TTLL12: variants seen among roughly 807,000 people sequenced by gnomAD.
The protein encoded by TTLL12 is tubulin tyrosine ligase like 12, also known as tubulin--tyrosine ligase-like protein 12.
Under a neutral mutation model 79.6 loss-of-function variants are expected in TTLL12, and 77 were observed. The ratio of observed to expected loss-of-function variants is 0.97; its 90% CI spans 0.81 to 1.17. The LOEUF is 1.17. Among genes scored for constraint, TTLL12 ranks in the 50% most tolerant of loss-of-function variants. The pLI is 0.00. For missense variants in TTLL12, 969 were observed against 895.9 expected, an observed-to-expected ratio of 1.08 and a Z score of -1.04; for synonymous variants, 437 against 376.1, an observed-to-expected ratio of 1.16 and a Z score of -1.87.
chr22:43,179,468 T>C, intron 5 of TTLL12, 151 bp downstream of exon 5: 2 of 1,112,702 alleles, frequency 1.8e-6, no homozygotes, highest in Admixed American at 3.2e-5. Context: ...GAGCCCCTCG[T>C]CTCTCAGAGG....
chr22:43,168,012 A>G lies in TTLL12; in HGVS notation c.1931T>C (p.Val644Ala). ...GGTTTTGGGGACAGCGAGTGCCTAGACAAGGCAGGTAACGTGGCAGCCACC... is the reference window on the plus strand; with the variant it reads ...GGTTTTGGGGACAGCGAGTGCCTAGGCAAGGCAGGTAACGTGGCAGCCACC... Reference protein sequence around the residue: ...QPGGCHVTCLV With the variant: ...QPGGCHVTCLA The change falls in exon 14 of 14, where the codon GTC becomes GCC. Residue 644 changes from valine (V) to alanine (A), a missense_variant. Transcript: ENST00000216129. The G allele has an allele frequency of 6.2e-7, 1 of 1,613,798 alleles. No individual in the cohort carries two copies.
chr22:43,186,091 T>G, intron 1 of TTLL12: 1 of 868,710 alleles, frequency 1.2e-6, no homozygotes, highest in Non-Finnish European at 1.4e-6. Flanking sequence ...TCCCTGTTCT[T>G]GGCTCTGGGG....
chr22:43,183,028 T>C lies in TTLL12; in HGVS notation c.299A>G (p.Lys100Arg), dbSNP rs1447821917. 1 of 1,614,000 alleles carries C rather than the reference T, an allele frequency of 6.2e-7. No individual in the cohort carries two copies. The highest frequency in any genetic ancestry group is 8.5e-7 in the Non-Finnish European group (1 of 1,179,962). The change falls in exon 2 of 14, where the codon AAG (lysine) becomes AGG (arginine). Residue 100 changes from lysine (K) to arginine (R), a missense_variant. Coordinates refer to ENST00000216129, the MANE Select transcript of TTLL12 (RefSeq NM_015140.4). ...QPNPGNELCY[K>R]VIVTRESGLQ... ...CCCGCTCTCCCTGGTCACGATGACC[T>C]TGTAGCACAGCTCGTTCCCCGGGTT...
intron 5 of TTLL12, 107 bp downstream of exon 5, chr22:43,179,511 GC>G (rs1402421326): frequency 1.1e-5 from 15 of 1,409,320 alleles, no homozygotes; most frequent in Non-Finnish European, 1.4e-5. Context: ...ACGGTAACTG[GC>G]TCAGGGCCTG....
intron 9 of TTLL12, 65 bp downstream of exon 9, chr22:43,173,650 T>C (rs1237816446): frequency 5.3e-6 from 8 of 1,501,938 alleles, no homozygotes; most frequent in East Asian, 2.3e-5. Flanking sequence ...TCGGTCCCCT[T>C]AGCCCCACCT....
intron 2 of TTLL12, 139 bp downstream of exon 2, chr22:43,182,841 C>T (rs78265272): frequency 8.4e-6 from 10 of 1,195,618 alleles, no homozygotes; most frequent in Non-Finnish European, 1.2e-5. Flanking sequence ...GGACACACCG[C>T]TGGCCACACG....
At position 43,173,909 on chromosome 22, in the gene TTLL12, G is replaced by C. The variant is rs1931831190; in HGVS notation, c.1230-83C>G. 4 of 1,305,598 alleles carry C rather than the reference G, an allele frequency of 3.1e-6. No individual in the cohort carries two copies. The South Asian group carries it at 3.9e-5, about 13-fold the overall frequency. The allele number at this position is 1,305,598 out of a possible 1,614,324, so 80.9% of individuals were successfully genotyped here. On this transcript the variant is annotated intron_variant, in intron 8 of 13. Coordinates refer to ENST00000216129, the MANE Select transcript of TTLL12 (RefSeq NM_015140.4). Reference sequence around the variant, plus strand: ...CACCCCAGGACCCAGAGGCAGAAGAGGGCAGCCCACTTCTCCTTGGGAGCT... The same window carrying C: ...CACCCCAGGACCCAGAGGCAGAAGACGGCAGCCCACTTCTCCTTGGGAGCT...
In TTLL12 at chr22:43,174,577, G is replaced by A. The variant is rs115376417; in HGVS notation, c.956C>T (p.Thr319Ile). Residue 319 changes from threonine to isoleucine, a missense_variant, in exon 7 of 14, where the codon ACC becomes ATC. Coordinates refer to ENST00000216129, the MANE Select transcript of TTLL12 (RefSeq NM_015140.4). ...TDVQQVASSL[T>I]HPRFTLTQSE... is the part of the protein sequence containing the mutation. ...CTGGGTGAGGGTGAAGCGCGGGTGG[G>A]TGAGGCTGCTGGCCACCTGCTGCAC... 4,164 of 1,613,128 alleles carry A rather than the reference G, an allele frequency of 2.6e-3. 81 individuals are homozygous for A. The African/African-American group carries it at 0.041, about 16-fold the overall frequency.
chr22:43,180,529 C>A (rs1021341509), intron 3 of TTLL12, among the ~76,000 whole-genome samples: 2 of 152,102 alleles, frequency 1.3e-5, no homozygotes, highest in Non-Finnish European at 2.9e-5. Flanking sequence ...GTCATCTGGG[C>A]CCCTTCAGTT....
chr22:43,174,455 G>A, intron 7 of TTLL12, 44 bp downstream of exon 7: 1 of 1,576,412 alleles, frequency 6.3e-7, no homozygotes, highest in Non-Finnish European at 8.6e-7. Flanking sequence ...GCAGTGCCTA[G>A]AAGCCCTGAC....
chr22:43,168,180 A>G (rs768706477), intron 13 of TTLL12, 21 bp from the exon 14 acceptor site: 1 of 1,612,050 alleles, frequency 6.2e-7, no homozygotes, highest in Non-Finnish European at 8.5e-7. Context: ...AGAGCGCAGC[A>G]GAGTGTGAAG....
Position 43,173,725 on chromosome 22 carries a change from C to T in TTLL12, c.1331G>A (p.Ser444Asn). Residue 444 changes from serine to asparagine, a missense_variant, in exon 9 of 14, where the codon AGC becomes AAC. Ser to Asn is a conservative substitution (Grantham distance 46, BLOSUM62 1). Transcript: ENST00000216129. ...GTCTGCGGGGCCCACCTTGGGGGTGCTCTCTCGGTGCCGGATGATGCTGTG... is the reference window on the plus strand; with the variant it reads ...GTCTGCGGGGCCCACCTTGGGGGTGTTCTCTCGGTGCCGGATGATGCTGTG... The part of the protein sequence containing the change: ...SLHSIIRHRE[S>N]TPKVVSKYIE... 6.2e-7 allele frequency: 1 copy of T among 1,602,072 alleles called. No homozygotes were observed. Among genetic ancestry groups the T allele is most frequent in the Non-Finnish European group, 8.5e-7 (1 of 1,179,862 alleles).
At chr22:43,185,112 C>T (rs1276893515) in intron 1 of TTLL12, among the ~76,000 whole-genome samples, 1 of 151,540 alleles carries the variant, frequency 6.6e-6, no homozygotes, top group Non-Finnish European at 1.5e-5. Flanking sequence ...TCTGTAATCC[C>T]AGCTACTCGG....
intron 9 of TTLL12, among the ~76,000 whole-genome samples, 197 bp downstream of exon 9, chr22:43,173,518 T>G (rs1027803706): frequency 6.6e-6 from 1 of 152,170 alleles, no homozygotes; most frequent in Non-Finnish European, 1.5e-5. Context: ...GGTCTCCCTA[T>G]GTTGCTCAGG....
intron 5 of TTLL12, among the ~76,000 whole-genome samples, chr22:43,177,229 C>A (rs778719768): frequency 6.6e-6 from 1 of 151,812 alleles, no homozygotes; most frequent in Non-Finnish European, 1.5e-5. Context: ...ATTAGCGGGG[C>A]TTGGTAGCAG....
rs138601769 is a variant in TTLL12, at chr22:43,168,296, G to A, written c.1784-137C>T. 708 of 1,285,838 alleles carry A rather than the reference G, an allele frequency of 5.5e-4. 1 individual carries two copies. Among genetic ancestry groups the A allele is most frequent in the African/African-American group, 4.0e-3 (269 of 66,898 alleles). 79.7% of individuals were successfully genotyped at this position (1,285,838 alleles called of 1,614,324 possible). Reference sequence around the variant, plus strand: ...CCCAGGGGATGAGCAGGACAAGGCCGGGCCTAGAACTTGGGTCTCTTGACT... The same window carrying A: ...CCCAGGGGATGAGCAGGACAAGGCCAGGCCTAGAACTTGGGTCTCTTGACT... On this transcript the variant is annotated intron_variant, in intron 13 of 13. Coordinates refer to ENST00000216129, the MANE Select transcript of TTLL12 (RefSeq NM_015140.4).
At chr22:43,179,442 C>G (rs898839678) in intron 5 of TTLL12, among the ~76,000 whole-genome samples, 177 bp downstream of exon 5, 4 of 152,072 alleles carry the variant, frequency 2.6e-5, no homozygotes, top group African/African-American at 9.7e-5. Context: ...CCACAGGCAG[C>G]TTGTGTTCAC....
chr22:43,167,182 C>T lies in TTLL12; in HGVS notation c.*826G>A. 1.9e-6 allele frequency: 1 copy of T among 532,140 alleles called. No homozygotes were observed. Among genetic ancestry groups the T allele is most frequent in the Non-Finnish European group, 3.9e-6 (1 of 259,392 alleles). 33.0% of individuals were successfully genotyped at this position (532,140 alleles called of 1,614,324 possible). A position where few individuals can be genotyped will look rare whatever the true frequency, so the allele number is the denominator to read the frequency against. On this transcript the variant is annotated 3_prime_UTR_variant, in exon 14 of 14. Coordinates refer to ENST00000216129, the MANE Select transcript of TTLL12 (RefSeq NM_015140.4). Reference sequence around the variant, plus strand: ...TTTCTGTCTGGCGCTCCACCGCCCACAATCAGCCCCAGCCCCAGGCGCCCC... The same window carrying T: ...TTTCTGTCTGGCGCTCCACCGCCCATAATCAGCCCCAGCCCCAGGCGCCCC...
Position 43,174,303 on chromosome 22 carries a change from C to T in TTLL12, c.1135G>A (p.Gly379Ser). ...AGCCAGGGTGGGCCCTCGGGGCCAC[C>T]TGCCCGGCGCGCGATGGAGGCCAGG... Reference protein sequence around the residue: ...DCLASIARRAGGPEGPPWLPR... With the variant: ...DCLASIARRASGPEGPPWLPR... The change falls in exon 8 of 14, where the codon GGT (glycine) becomes AGT (serine). Residue 379 changes from glycine (G) to serine (S), a missense_variant. Gly to Ser is a moderately conservative substitution (Grantham distance 56). Coordinates refer to ENST00000216129, the MANE Select transcript of TTLL12 (RefSeq NM_015140.4). 6.2e-7 allele frequency: 1 copy of T among 1,610,882 alleles called. No individual in the cohort carries two copies. Among genetic ancestry groups the T allele is most frequent in the Non-Finnish European group, 8.5e-7 (1 of 1,179,180 alleles).
Sources: allele counts gnomAD v4.1 joint callset (sites outside exome capture counted in the v4.1 genomes callset), GRCh38; gene constraint gnomAD v4.1.1; transcripts MANE v1.5; gene names NCBI Gene and HGNC (gene_info 2026-07-23, HGNC 2026-07-21).